Variants in RP1 observed in about 807,000 individuals in gnomAD.
RP1 encodes the protein oxygen-regulated protein 1.
RP1 carries 16 observed loss-of-function variants against 14.8 expected under a neutral mutation model. That is an observed-to-expected ratio of 1.08 (90% CI 0.73 to 1.65). The LOEUF (loss-of-function observed/expected upper bound fraction) is 1.65. RP1 is among the 40% of genes most tolerant of loss of function. RP1 has a pLI of 0.00. For missense variants in RP1, 2,631 were observed against 2,535.0 expected (o/e 1.04, Z -0.81); for synonymous variants, 876 against 883.6 (o/e 0.99, Z 0.15).
At chr8:54,703,198 A>G (rs1486125547) in intron 14 of RP1, among the ~76,000 whole-genome samples, 2 of 152,214 alleles carry the variant, frequency 1.3e-5, no homozygotes, top group Admixed American at 6.5e-5. Flanking sequence ...GCCCACAGCC[A>G]TCAGTGAAAT....
chr8:54,862,508 G>A (rs1349900858), intron 27 of RP1, among the ~76,000 whole-genome samples: 5 of 152,120 alleles, frequency 3.3e-5, no homozygotes, highest in African/African-American at 1.2e-4. Flanking sequence ...TTAGGGTAAA[G>A]GTAAAGGTCC....
intron 24 of RP1, among the ~76,000 whole-genome samples, chr8:54,832,427 T>C (rs1216890713): frequency 6.6e-6 from 1 of 151,876 alleles, no homozygotes; most frequent in African/African-American, 2.4e-5. Context: ...TTAATTATTA[T>C]TTCACTTATT....
chr8:54,782,879 A>T (rs1356208561), intron 23 of RP1, among the ~76,000 whole-genome samples: 1 of 151,740 alleles, frequency 6.6e-6, no homozygotes, highest in Non-Finnish European at 1.5e-5. Flanking sequence ...AAGCTCAATG[A>T]TCCCTTCTGC....
At chr8:54,829,407 GA>G (rs1373664722) in intron 24 of RP1, among the ~76,000 whole-genome samples, 2 of 152,020 alleles carry the variant, frequency 1.3e-5, no homozygotes, top group African/African-American at 4.8e-5. Context: ...TAAAGAATTA[GA>G]TGAAACCAGA....
chr8:54,844,246 G>A (rs1051049755), intron 25 of RP1, among the ~76,000 whole-genome samples: 1 of 152,054 alleles, frequency 6.6e-6, no homozygotes, highest in Non-Finnish European at 1.5e-5. Context: ...TCTAAATTGA[G>A]GACCTAGATA....
chr8:54,755,588 C>T (rs748597014), intron 20 of RP1: 2 of 1,534,254 alleles, frequency 1.3e-6, no homozygotes, highest in East Asian at 4.9e-5. Flanking sequence ...AATGTATTTC[C>T]TCTTATTTTC....
At chr8:54,562,987 C>A (rs113202934) in intron 1 of RP1, among the ~76,000 whole-genome samples, 3,930 of 152,152 alleles carry the variant, frequency 0.026, 55 homozygotes, top group Non-Finnish European at 0.038. Context: ...TTTACTGAGG[C>A]CCCTGGTAGG....
chr8:54,667,256 C>G (rs934212274), intron 7 of RP1, among the ~76,000 whole-genome samples: 3 of 152,100 alleles, frequency 2.0e-5, no homozygotes, highest in Admixed American at 2.0e-4. Flanking sequence ...AATAGGAAGA[C>G]TGCAGAATTG....
chr8:54,774,093 C>T (rs1321723447), downstream of RP1, among the ~76,000 whole-genome samples: 1 of 152,186 alleles, frequency 6.6e-6, no homozygotes, highest in Non-Finnish European at 1.5e-5. Context: ...ATCATGCATT[C>T]TGAGTCAACT....
intron 7 of RP1, among the ~76,000 whole-genome samples, chr8:54,667,258 G>T (rs894228788): frequency 1.3e-5 from 2 of 152,124 alleles, no homozygotes; most frequent in Non-Finnish European, 2.9e-5. Flanking sequence ...TAGGAAGACT[G>T]CAGAATTGCA....
intron 24 of RP1, among the ~76,000 whole-genome samples, chr8:54,825,728 T>A (rs960684734): frequency 2.0e-5 from 3 of 152,238 alleles, no homozygotes; most frequent in African/African-American, 4.8e-5. Context: ...CTTGTGGATA[T>A]GTTTATTTTT....
At chr8:54,807,632 GTCTA>G (rs145286591) in intron 24 of RP1, among the ~76,000 whole-genome samples, 5,439 of 124,988 alleles carry the variant, frequency 0.044, 156 homozygotes, top group East Asian at 0.16. Context: ...CTGTCTGTCT[GTCTA>G]TCTATCTATC....
At position 54,626,477 on chromosome 8, in the gene RP1, T is replaced by C. The variant is rs1316078427; in HGVS notation, c.2595T>C (p.Thr865=). 6.2e-7 allele frequency: 1 copy of C among 1,613,632 alleles called. No homozygotes were observed. The highest frequency in any genetic ancestry group is 2.2e-5 in the East Asian group (1 of 44,816). Residue 865 remains threonine, a synonymous_variant, in exon 4 of 4, where the codon ACT becomes ACC. Coordinates refer to ENST00000220676, the MANE Select transcript of RP1 (RefSeq NM_006269.2). Reference sequence around the variant, plus strand: ...CAAAAGTTACTGATTCACACATAACTTTAAAAAGCCAGAAAAAACGTAAAG... The same window carrying C: ...CAAAAGTTACTGATTCACACATAACCTTAAAAAGCCAGAAAAAACGTAAAG... ...LVSKVTDSHI[T]LKSQKKRKGD...
At chr8:54,834,342 A>C (rs1045795582) in intron 24 of RP1, among the ~76,000 whole-genome samples, 2 of 152,176 alleles carry the variant, frequency 1.3e-5, no homozygotes, top group African/African-American at 4.8e-5. Context: ...GCAGGGAAAA[A>C]CCCACTAGAA....
At chr8:54,731,750 A>G (rs968700513) in intron 17 of RP1, among the ~76,000 whole-genome samples, 1 of 152,200 alleles carries the variant, frequency 6.6e-6, no homozygotes. Flanking sequence ...CTGAACACAT[A>G]CACACATAGA....
exon 16 of RP1, chr8:54,720,240 G>A (rs770924118): frequency 6.5e-7 from 1 of 1,535,914 alleles, no homozygotes; most frequent in South Asian, 1.2e-5. Context: ...TCAGTCAGAT[G>A]GGCAGGCAAA....
chr8:54,703,702 C>A (rs768246838), intron 14 of RP1, among the ~76,000 whole-genome samples: 4 of 152,218 alleles, frequency 2.6e-5, no homozygotes, highest in Non-Finnish European at 5.9e-5. Context: ...TGTGTGGCAT[C>A]TTCTTCTAAT....
chr8:54,574,464 G>C (rs1379440596), intron 1 of RP1, among the ~76,000 whole-genome samples: 1 of 152,084 alleles, frequency 6.6e-6, no homozygotes, highest in Non-Finnish European at 1.5e-5. Context: ...TAAGAAGAAA[G>C]GGGGTGGGAG....
At chr8:54,754,671 A>G (rs976228575) in intron 19 of RP1, 1 of 898,954 alleles carries the variant, frequency 1.1e-6, no homozygotes, top group South Asian at 3.9e-5. Context: ...ACTACTACTA[A>G]CAACCATCAC....
Sources: allele counts gnomAD v4.1 joint callset (sites outside exome capture counted in the v4.1 genomes callset), GRCh38; gene constraint gnomAD v4.1.1; transcripts MANE v1.5; gene names NCBI Gene and HGNC (gene_info 2026-07-23, HGNC 2026-07-21).